TBC1D9B: variants seen among roughly 807,000 people sequenced by gnomAD.
TBC1D9B encodes the protein TBC1 domain family member 9B.
In TBC1D9B, 87 loss-of-function variants were observed where a neutral mutation model predicts 121.1. The ratio of observed to expected loss-of-function variants is 0.72; its 90% CI spans 0.60 to 0.86. The LOEUF (loss-of-function observed/expected upper bound fraction) is 0.86. Among genes scored for constraint, TBC1D9B ranks in the 40% least tolerant of loss-of-function variants. TBC1D9B has a pLI of 0.00. For synonymous variants in TBC1D9B, 668 were observed against 670.1 expected (o/e 1.00, Z 0.05); for missense variants, 1,540 against 1,628.6 (o/e 0.95, Z 0.94).
chr5:179,894,298 TG>T, intron 4 of TBC1D9B, 87 bp downstream of exon 4: 1 of 1,226,510 alleles, frequency 8.2e-7, no homozygotes, highest in Non-Finnish European at 1.1e-6. Context: ...ACCCCTCTGG[TG>T]GCCATGTGGG....
chr5:179,898,953 G>A (rs1458122085), intron 3 of TBC1D9B, among the ~76,000 whole-genome samples: 1 of 152,214 alleles, frequency 6.6e-6, no homozygotes, highest in Non-Finnish European at 1.5e-5. Flanking sequence ...GGGTAGGAAT[G>A]GAAGCCCCGC....
Position 179,872,984 on chromosome 5 carries a change from T to G in TBC1D9B, c.2323A>C (p.Ser775Arg), listed in dbSNP as rs781430428. 7 of 1,614,040 alleles carry G rather than the reference T, an allele frequency of 4.3e-6. No homozygotes were observed. In the South Asian group the frequency reaches 5.5e-5, roughly 13 times the overall value. ...TCAATGTCTTCGGCCCTCAGGCTGC[T>G]GAATTTCTATAGGGAGAGGTGACTT... Reference protein sequence around the residue: ...ELLKVSYEKFSSLRAEDIEQM... With the variant: ...ELLKVSYEKFRSLRAEDIEQM... Residue 775 changes from serine to arginine, a missense_variant, in exon 14 of 21, where the codon AGC becomes CGC. By Grantham distance (110) the Ser-to-Arg change is moderately radical. Coordinates refer to ENST00000355235, the MANE Select transcript of TBC1D9B (RefSeq NM_015043.4).
intron 9 of TBC1D9B, 46 bp downstream of exon 9, chr5:179,879,001 G>A (rs1183213803): frequency 6.3e-7 from 1 of 1,587,692 alleles, no homozygotes; most frequent in Non-Finnish European, 8.5e-7. Flanking sequence ...AGAGCTTGGG[G>A]ACTGACTGGC....
Position 179,894,449 on chromosome 5 carries a change from G to A in TBC1D9B, c.514C>T (p.Gln172Ter). The change falls in exon 4 of 21, where the codon CAG (glutamine) becomes TAG (stop). Residue 172 changes from glutamine (Q) to a stop codon, truncating the protein, a stop_gained. Transcript: ENST00000355235. LOFTEE classifies it high-confidence loss of function. ...TTGACCGTCAGGTACAGCCAGCCCT[G>A]CCGGGGCACGCGGCCCTTCCAGTAG... ...CSYWKGRVPR[Q>*]GWLYLTVNHL... 6.2e-7 allele frequency: 1 copy of A among 1,614,130 alleles called. No individual in the cohort carries two copies. Among genetic ancestry groups the A allele is most frequent in the Non-Finnish European group, 8.5e-7 (1 of 1,180,002 alleles).
At chr5:179,889,596 C>T (rs907011434) in intron 6 of TBC1D9B, among the ~76,000 whole-genome samples, 12 of 149,294 alleles carry the variant, frequency 8.0e-5, no homozygotes, top group African/African-American at 2.2e-4. Flanking sequence ...TGTGTTAGGC[C>T]GGGTGTGGCG....
chr5:179,870,094 C>A (rs989958103), intron 16 of TBC1D9B, among the ~76,000 whole-genome samples, 161 bp downstream of exon 16: 1 of 152,142 alleles, frequency 6.6e-6, no homozygotes, highest in African/African-American at 2.4e-5. Context: ...GACCCCATCT[C>A]GGCTCCCGTG....
rs557036240 is a variant in TBC1D9B at position 179,881,439 on chromosome 5, G to A, written c.1255-1650C>T. 2.0e-5 allele frequency among the ~76,000 whole-genome samples: 3 copies of A among 152,244 alleles called. No homozygotes were observed. The East Asian group carries it at 5.8e-4, about 29-fold the overall frequency. ...GACCCCATCCCCTGCCTTCTCTGCA[G>A]GAGTCGCTCTCCCAGCACAGAACTG... On this transcript the variant is annotated intron_variant, in intron 7 of 20. Transcript: ENST00000355235.
rs1022718841 is a variant in TBC1D9B at position 179,891,160 on chromosome 5, T to C, written c.1044+219A>G. ...GAGGGCAAGCAGTGTGCCCCCACCATGTTACCTGCCTCCCCAACAGGGCAG... is the reference window on the plus strand; with the variant it reads ...GAGGGCAAGCAGTGTGCCCCCACCACGTTACCTGCCTCCCCAACAGGGCAG... On this transcript the variant is annotated intron_variant, in intron 6 of 20. Coordinates refer to ENST00000355235, the MANE Select transcript of TBC1D9B (RefSeq NM_015043.4). The surrounding 1 kb of genome is among the most constrained non-coding windows in gnomAD (Gnocchi z 4.3). Among the ~76,000 whole-genome samples, 2 of 152,224 alleles carry C rather than the reference T, an allele frequency of 1.3e-5. No individual in the cohort carries two copies. Among genetic ancestry groups the C allele is most frequent in the Non-Finnish European group, 2.9e-5 (2 of 68,030 alleles).
chr5:179,889,695 A>G (rs1445955860), intron 6 of TBC1D9B, among the ~76,000 whole-genome samples: 1 of 151,670 alleles, frequency 6.6e-6, no homozygotes, highest in Non-Finnish European at 1.5e-5. Flanking sequence ...AACATGATGA[A>G]TCCCTGTCTC....
In TBC1D9B at chr5:179,864,051, G is replaced by A. The variant is rs377265918; in HGVS notation, c.3099C>T (p.Ala1033=). 6.2e-7 allele frequency: 1 copy of A among 1,613,716 alleles called. No homozygotes were observed. Among genetic ancestry groups the A allele is most frequent in the South Asian group, 1.1e-5 (1 of 91,082 alleles). The change falls in exon 21 of 21, where the codon GCC becomes GCT. Residue 1033 remains alanine, a synonymous_variant. Coordinates refer to ENST00000355235, the MANE Select transcript of TBC1D9B (RefSeq NM_015043.4). ...EDPMEQDLYH[A]IATVASLLLR... ...GCAGGAGGCTGGCCACGGTGGCGAT[G>A]GCGTGGTACAGGTCCTGCTCCATGG...
chr5:179,866,881 GGCAT>G, intron 18 of TBC1D9B: 1 of 153,892 alleles, frequency 6.5e-6, no homozygotes, highest in Non-Finnish European at 1.4e-5. Flanking sequence ...ACCACCAGGT[GGCAT>G]TATGGTCGGT....
chr5:179,869,517 G>A (rs764186909), intron 17 of TBC1D9B: 6 of 659,530 alleles, frequency 9.1e-6, no homozygotes, highest in African/African-American at 1.8e-5. Context: ...CCTCCTCGGT[G>A]GGAGTTCTGT....
At chr5:179,871,368 A>G (rs1200699348) in intron 15 of TBC1D9B, 94 bp downstream of exon 15, 8 of 1,249,330 alleles carry the variant, frequency 6.4e-6, no homozygotes, top group African/African-American at 3.0e-5. Flanking sequence ...CCCTATTTCT[A>G]TCTACTTCTA....
chr5:179,894,467 T>C lies in TBC1D9B; in HGVS notation c.496A>G (p.Lys166Glu). 6.2e-7 allele frequency: 1 copy of C among 1,614,164 alleles called. No homozygotes were observed. The highest frequency in any genetic ancestry group is 8.5e-7 in the Non-Finnish European group (1 of 1,180,002). ...LVNYYSCSYW[K>E]GRVPRQGWLY... ...CAGCCCTGCCGGGGCACGCGGCCCT[T>C]CCAGTAGCTGCAGGAGTAGTAATTC... is the stretch of plus-strand genomic sequence containing the variant. The change falls in exon 4 of 21, where the codon AAG becomes GAG. Residue 166 changes from lysine (K) to glutamate (E), a missense_variant. Transcript: ENST00000355235.
chr5:179,870,301 T>C lies in TBC1D9B; in HGVS notation c.2679A>G (p.Glu893=), dbSNP rs758818496. Residue 893 remains glutamate (E), a synonymous_variant, in exon 16 of 21, where the codon GAA becomes GAG. Transcript: ENST00000355235. ...LAGRMFRLLD[E]NKDSLINFKE... ...TGAAGTTGATCAGCGAGTCCTTGTT[T>C]TCGTCCAGGAGCCTGAACATGCGCC... The C allele has an allele frequency of 6.2e-6, 10 of 1,613,868 alleles. No homozygotes were observed. The South Asian group carries it at 9.9e-5, about 16-fold the overall frequency.
chr5:179,898,931 T>C (rs1451499326), intron 3 of TBC1D9B, among the ~76,000 whole-genome samples: 1 of 152,208 alleles, frequency 6.6e-6, no homozygotes. Context: ...GCGTACGCCT[T>C]CCAAGGCACT....
At chr5:179,896,159 C>G (rs1227690651) in intron 3 of TBC1D9B, among the ~76,000 whole-genome samples, 1 of 152,142 alleles carries the variant, frequency 6.6e-6, no homozygotes. Context: ...GTGGCCTGTC[C>G]CTGTGTTAAG....
At chr5:179,896,140 G>T (rs1318235846) in intron 3 of TBC1D9B, among the ~76,000 whole-genome samples, 1 of 152,144 alleles carries the variant, frequency 6.6e-6, no homozygotes, top group Admixed American at 6.5e-5. Flanking sequence ...TCCTGTTATT[G>T]TTCTTTAAGT....
At chr5:179,887,287 T>C (rs1010358187) in intron 7 of TBC1D9B, among the ~76,000 whole-genome samples, 1 of 152,228 alleles carries the variant, frequency 6.6e-6, no homozygotes, top group Non-Finnish European at 1.5e-5. Context: ...CAGACATCTC[T>C]TGTTGGGAAT....
Sources: gnomAD v4.1 joint callset for allele counts (sites outside exome capture counted in the v4.1 genomes callset) on GRCh38, gnomAD v4.1.1 for gene constraint, Gnocchi (gnomAD v3.1) non-coding constraint, MANE v1.5 for transcripts, NCBI Gene and HGNC (gene_info 2026-07-23, HGNC 2026-07-21) for gene names.